GDF1: variants seen among roughly 807,000 people sequenced by gnomAD.
GDF1 encodes growth differentiation factor 1.
GDF1 carries 8 observed loss-of-function variants against 7.4 expected under a neutral mutation model. That is an observed-to-expected ratio of 1.09 (90% CI 0.64 to 1.96). The LOEUF (loss-of-function observed/expected upper bound fraction) is 1.96. Among genes scored for constraint, GDF1 ranks in the 30% most tolerant of loss-of-function variants. GDF1 has a pLI of 0.00. For synonymous variants in GDF1, 311 were observed against 276.7 expected (o/e 1.12, Z -1.23); for missense variants, 574 against 551.5 (o/e 1.04, Z -0.41).
At chr19:18,893,359 C>A in intron 2 of GDF1, 57 bp downstream of exon 2, 1 of 1,529,356 alleles carries the variant, frequency 6.5e-7, no homozygotes, top group Non-Finnish European at 8.8e-7. Context: ...GGACCACAAG[C>A]CTGGCGTCTT....
chr19:18,879,133 G>C, intron 5 of GDF1, 94 bp from the exon 6 acceptor site: 1 of 1,586,762 alleles, frequency 6.3e-7, no homozygotes, highest in East Asian at 2.3e-5. Context: ...CCCTCCACAC[G>C]GGCTGTCTGC....
At position 18,895,673 on chromosome 19, in the gene GDF1, C is replaced by G; in HGVS notation, c.-1074+151G>C. Reference sequence around the variant, plus strand: ...CCTGGGGCTCCAACGTCCTGGGCCTCTCCAGCCCGAGGCCCCCACCCACGT... The same window carrying G: ...CCTGGGGCTCCAACGTCCTGGGCCTGTCCAGCCCGAGGCCCCCACCCACGT... On this transcript the variant is annotated intron_variant, in intron 1 of 7. Coordinates refer to ENST00000247005, the MANE Select transcript of GDF1 (RefSeq NM_001492.6). This position sits in a 1 kb window ranked among gnomAD's most constrained non-coding sequence, Gnocchi z 6.4. The G allele has an allele frequency of 6.1e-6, 2 of 329,352 alleles. No individual in the cohort carries two copies. The highest frequency in any genetic ancestry group is 1.2e-4 in the East Asian group (2 of 16,212). The allele number at this position is 329,352 out of a possible 1,614,324, so 20.4% of individuals were successfully genotyped here. A position where few individuals can be genotyped will look rare whatever the true frequency, so the allele number is the denominator to read the frequency against.
intron 2 of GDF1, among the ~76,000 whole-genome samples, chr19:18,886,377 G>A (rs58485418): frequency 0.45 from 68,042 of 151,766 alleles, 15,548 homozygotes; most frequent in South Asian, 0.56. Flanking sequence ...GTGAAACCCC[G>A]TCTCTACTAA....
Position 18,896,020 on chromosome 19 carries a change from C to T in GDF1, c.-1270G>A. ...GCCGCGCTGCACTAGCTGCGCGTAG[C>T]TCGGCATGGGCTCGGGCCCCGTCGG... is the stretch of plus-strand genomic sequence containing the variant. On this transcript the variant is annotated 5_prime_UTR_variant, in exon 1 of 8. Coordinates refer to ENST00000247005, the MANE Select transcript of GDF1 (RefSeq NM_001492.6). The surrounding 1 kb of genome is among the most constrained non-coding windows in gnomAD (Gnocchi z 5.9). 9.9e-7 allele frequency: 1 copy of T among 1,006,774 alleles called. No individual in the cohort carries two copies. The highest frequency in any genetic ancestry group is 5.9e-5 in the Admixed American group (1 of 16,820). 62.4% of individuals were successfully genotyped at this position (1,006,774 alleles called of 1,614,324 possible).
intron 1 of GDF1, among the ~76,000 whole-genome samples, chr19:18,894,286 C>G (rs1351553205): frequency 6.6e-6 from 1 of 151,940 alleles, no homozygotes; most frequent in Non-Finnish European, 1.5e-5. Context: ...CAGAGCTGCC[C>G]GGCCAAGCCC....
At chr19:18,871,344 A>G (rs2055967129) in intron 6 of GDF1, among the ~76,000 whole-genome samples, 2 of 150,512 alleles carry the variant, frequency 1.3e-5, no homozygotes, top group South Asian at 4.2e-4. Flanking sequence ...CTCCTGCCTC[A>G]GCCTCCTGAG....
rs1295004648 is a variant in GDF1, at chr19:18,895,426, G to A, written c.-1074+398C>T. On this transcript the variant is annotated intron_variant, in intron 1 of 7. Coordinates refer to ENST00000247005, the MANE Select transcript of GDF1 (RefSeq NM_001492.6). The surrounding 1 kb of genome is among the most constrained non-coding windows in gnomAD (Gnocchi z 6.4). Reference sequence around the variant, plus strand: ...TCTCAGTGTCTGGCTCGGCCCTGCCGGAAAGAGCGCGCGGTGGCCGGAGCC... The same window carrying A: ...TCTCAGTGTCTGGCTCGGCCCTGCCAGAAAGAGCGCGCGGTGGCCGGAGCC... Among the ~76,000 whole-genome samples the A allele has an allele frequency of 6.6e-6, 1 of 152,080 alleles. No individual in the cohort carries two copies. Among genetic ancestry groups the A allele is most frequent in the East Asian group, 1.9e-4 (1 of 5,154 alleles).
intron 6 of GDF1, among the ~76,000 whole-genome samples, chr19:18,877,577 C>A (rs1232286833): frequency 6.6e-6 from 1 of 152,014 alleles, no homozygotes; most frequent in Admixed American, 6.6e-5. Flanking sequence ...CATGAGGAAA[C>A]CCCAGCTCTA....
intron 1 of GDF1, 68 bp from the exon 2 acceptor site, chr19:18,893,643 G>C: frequency 2.7e-6 from 4 of 1,491,988 alleles, no homozygotes; most frequent in Non-Finnish European, 3.6e-6. Flanking sequence ...TTGGGGTGGG[G>C]AAACTGAGGC....
At chr19:18,894,368 A>T (rs544308460) in intron 1 of GDF1, among the ~76,000 whole-genome samples, 91 of 152,102 alleles carry the variant, frequency 6.0e-4, no homozygotes, top group African/African-American at 2.2e-3. Flanking sequence ...AGCAGTTGTC[A>T]TGGAGACAGC....
chr19:18,879,505 G>T (rs2056141956), intron 4 of GDF1, 117 bp from the exon 5 acceptor site: 3 of 1,248,966 alleles, frequency 2.4e-6, no homozygotes, highest in Non-Finnish European at 3.3e-6. Flanking sequence ...GCCCACCTCT[G>T]CCCACCTGTT....
intron 2 of GDF1, 27 bp from the exon 3 acceptor site, chr19:18,884,294 G>A: frequency 6.3e-7 from 1 of 1,593,030 alleles, no homozygotes; most frequent in South Asian, 1.1e-5. Flanking sequence ...CTCACAGTCA[G>A]GGCCCTGCGA....
Position 18,895,761 on chromosome 19 carries a change from G to A in GDF1, c.-1074+63C>T. 3.1e-6 allele frequency: 3 copies of A among 959,488 alleles called. No individual in the cohort carries two copies. Among genetic ancestry groups the A allele is most frequent in the East Asian group, 4.8e-5 (1 of 20,888 alleles). The allele number at this position is 959,488 out of a possible 1,614,324, so 59.4% of individuals were successfully genotyped here. On this transcript the variant is annotated intron_variant, in intron 1 of 7. Coordinates refer to ENST00000247005, the MANE Select transcript of GDF1 (RefSeq NM_001492.6). The surrounding 1 kb of genome is among the most constrained non-coding windows in gnomAD (Gnocchi z 6.4). The stretch of plus-strand genomic sequence containing the variant: ...AGAAAGGAACGCGCCGGCGGCCCCA[G>A]GTCCCCGGTCCCGGCTTCCCCCAGT...
At position 18,870,303 on chromosome 19, in the gene GDF1, G is replaced by A; in HGVS notation, c.5C>T (p.Pro2Leu). The A allele has an allele frequency of 6.5e-7, 1 of 1,546,040 alleles. No individual in the cohort carries two copies. The highest frequency in any genetic ancestry group is 8.7e-7 in the Non-Finnish European group (1 of 1,146,734). Residue 2 changes from proline (P) to leucine (L), a missense_variant, in exon 7 of 8, where the codon CCA (proline) becomes CTA (leucine). Pro to Leu is a moderately conservative substitution (Grantham distance 98). Coordinates refer to ENST00000247005, the MANE Select transcript of GDF1 (RefSeq NM_001492.6). This position sits in a 1 kb window ranked among gnomAD's most constrained non-coding sequence, Gnocchi z 5.1. Reference sequence around the variant, plus strand: ...GCCGCAGGGACCTTGCTGCGGCGGTGGCATCTTCCTCCCAGGCGATGACCA... The same window carrying A: ...GCCGCAGGGACCTTGCTGCGGCGGTAGCATCTTCCTCCCAGGCGATGACCA... M[P>L]PPQQGPCGHH... is the part of the protein sequence containing the mutation.
rs2056611035 is a variant in GDF1 at position 18,895,811 on chromosome 19, C to T, written c.-1074+13G>A. On this transcript the variant is annotated intron_variant, in intron 1 of 7. Transcript: ENST00000247005. The surrounding 1 kb of genome is among the most constrained non-coding windows in gnomAD (Gnocchi z 6.4). ...TCCGGGGTCCCCTCGTCCCGGCCCC[C>T]GGCCACACTGACCCGAAAGAGGCGC... is the stretch of plus-strand genomic sequence containing the variant. The T allele has an allele frequency of 1.6e-6, 2 of 1,236,086 alleles. No individual in the cohort carries two copies. Among genetic ancestry groups the T allele is most frequent in the Admixed American group, 4.5e-5 (1 of 22,244 alleles). The allele number at this position is 1,236,086 out of a possible 1,614,324, so 76.6% of individuals were successfully genotyped here.
chr19:18,893,677 G>A (rs2056553789), intron 1 of GDF1, 102 bp from the exon 2 acceptor site: 9 of 1,219,734 alleles, frequency 7.4e-6, no homozygotes, highest in Admixed American at 2.2e-5. Flanking sequence ...AGGCCGGGCA[G>A]CACTGGGAAG....
chr19:18,870,157 C>T lies in GDF1; in HGVS notation c.151G>A (p.Gly51Ser), dbSNP rs1039214872. ...QALGLRDEPQ[G>S]APRLRPVPPV... ...GGAACCGGCCGGAGCCTGGGGGCAC[C>T]CTGGGGCTCATCGCGCAGTCCTAGA... The change falls in exon 7 of 8, where the codon GGT (glycine) becomes AGT (serine). Residue 51 changes from glycine to serine, a missense_variant. Gly to Ser is a moderately conservative substitution (Grantham distance 56). Coordinates refer to ENST00000247005, the MANE Select transcript of GDF1 (RefSeq NM_001492.6). The surrounding 1 kb of genome is among the most constrained non-coding windows in gnomAD (Gnocchi z 5.1). 6.4e-7 allele frequency: 1 copy of T among 1,562,646 alleles called. No individual in the cohort carries two copies. Among genetic ancestry groups the T allele is most frequent in the Non-Finnish European group, 8.6e-7 (1 of 1,160,140 alleles).
chr19:18,872,093 A>G (rs2055980757), intron 6 of GDF1, among the ~76,000 whole-genome samples: 1 of 152,198 alleles, frequency 6.6e-6, no homozygotes, highest in Non-Finnish European at 1.5e-5. Flanking sequence ...TTAAGGTCTT[A>G]GGTTAGTTTC....
In GDF1 at chr19:18,870,892, C is replaced by T. The variant is rs1268025599; in HGVS notation, c.-312-273G>A. Among the ~76,000 whole-genome samples, 1 of 152,058 alleles carries T rather than the reference C, an allele frequency of 6.6e-6. No individual in the cohort carries two copies. The highest frequency in any genetic ancestry group is 1.5e-5 in the Non-Finnish European group (1 of 68,006). On this transcript the variant is annotated intron_variant, in intron 6 of 7. Coordinates refer to ENST00000247005, the MANE Select transcript of GDF1 (RefSeq NM_001492.6). The surrounding 1 kb of genome is among the most constrained non-coding windows in gnomAD (Gnocchi z 5.1). ...CTCTCCAATTAAACCTTCCTCTTCC[C>T]CTCCTCCCTGCCTCTCCAGGCCGCT...
Sources: allele counts gnomAD v4.1 joint callset (sites outside exome capture counted in the v4.1 genomes callset), GRCh38; gene constraint gnomAD v4.1.1; non-coding constraint Gnocchi (gnomAD v3.1); transcripts MANE v1.5; gene names NCBI Gene and HGNC (gene_info 2026-07-23, HGNC 2026-07-21).